Variants in TRPM3 observed in about 807,000 individuals in gnomAD.
TRPM3 encodes transient receptor potential cation channel subfamily M member 3.
A neutral mutation model predicts 181.2 loss-of-function variants in TRPM3; 77 were observed. That is an observed-to-expected ratio of 0.42 (90% CI 0.35 to 0.51). The LOEUF is 0.51. Among genes scored for constraint, TRPM3 ranks in the 20% least tolerant of loss-of-function variants. The pLI is 0.01. For missense variants in TRPM3, 1,759 were observed against 2,196.7 expected, an observed-to-expected ratio of 0.80 and a Z score of 3.98; for synonymous variants, 745 against 796.4, an observed-to-expected ratio of 0.94 and a Z score of 1.09.
intron 1 of TRPM3, among the ~76,000 whole-genome samples, chr9:70,904,277 CA>C (rs1480670336): frequency 6.6e-6 from 1 of 151,994 alleles, no homozygotes; most frequent in Non-Finnish European, 1.5e-5. Context: ...CTTGACTATC[CA>C]AAAAGCAGCC....
intron 6 of TRPM3, among the ~76,000 whole-genome samples, chr9:70,790,199 A>G (rs1320262767): frequency 2.0e-5 from 3 of 152,210 alleles, no homozygotes; most frequent in African/African-American, 7.2e-5. Context: ...TCTGAAGGAT[A>G]ATCTATTTGC....
chr9:71,340,362 G>A (rs1234210121), intron 1 of TRPM3, among the ~76,000 whole-genome samples: 2 of 152,092 alleles, frequency 1.3e-5, no homozygotes, highest in Non-Finnish European at 2.9e-5. Flanking sequence ...TGGTGAAATG[G>A]TTTGGCTGTG....
chr9:70,583,198 T>C (rs1338318925), intron 22 of TRPM3, among the ~76,000 whole-genome samples: 1 of 151,978 alleles, frequency 6.6e-6, no homozygotes, highest in African/African-American at 2.4e-5. Flanking sequence ...AAGGGAGGAT[T>C]TGGGGAATAG....
chr9:71,254,448 C>A (rs965654649), intron 1 of TRPM3, among the ~76,000 whole-genome samples: 1 of 152,070 alleles, frequency 6.6e-6, no homozygotes, highest in Non-Finnish European at 1.5e-5. Flanking sequence ...TCGGCAACAA[C>A]GTATTACATA....
At chr9:71,029,984 T>C (rs942898380) in intron 1 of TRPM3, among the ~76,000 whole-genome samples, 1 of 152,134 alleles carries the variant, frequency 6.6e-6, no homozygotes, top group South Asian at 2.1e-4. Flanking sequence ...AAATCACATA[T>C]TGAGGATTTC....
intron 3 of TRPM3, among the ~76,000 whole-genome samples, chr9:70,849,909 A>C (rs1434185499): frequency 6.6e-6 from 1 of 152,188 alleles, no homozygotes; most frequent in Non-Finnish European, 1.5e-5. Flanking sequence ...TCTTTCGTTA[A>C]AGTATATTTG....
chr9:71,024,116 C>G (rs1326361673), intron 1 of TRPM3, among the ~76,000 whole-genome samples: 1 of 151,956 alleles, frequency 6.6e-6, no homozygotes, highest in Admixed American at 6.6e-5. Context: ...AAAGGATACA[C>G]GAGATCTTTT....
chr9:71,383,705 T>C (rs1003370504), intron 1 of TRPM3, among the ~76,000 whole-genome samples: 3 of 152,190 alleles, frequency 2.0e-5, no homozygotes, highest in Non-Finnish European at 4.4e-5. Flanking sequence ...TTGTAAGTTG[T>C]ACATTTCCTA....
Position 70,536,808 on chromosome 9 carries a change from G to A in TRPM3, c.4305C>T (p.Ile1435=), listed in dbSNP as rs1363229846. The A allele has an allele frequency of 1.9e-6, 3 of 1,614,074 alleles. No homozygotes were observed. The highest frequency in any genetic ancestry group is 1.6e-4 in the Middle Eastern group (1 of 6,084). ...DIDPLDNSVN[I]LGLGEPSFST... ...AAAAGCTTGGCTCGCCCAGCCCAAG[G>A]ATGTTCACGGAATTGTCCAGAGGGT... The change falls in exon 26 of 26, where the codon ATC becomes ATT. Residue 1435 remains isoleucine (I), a synonymous_variant. Coordinates refer to ENST00000677713, the MANE Select transcript of TRPM3 (RefSeq NM_001366145.2).
At chr9:70,583,993 C>T (rs1283993109) in intron 22 of TRPM3, among the ~76,000 whole-genome samples, 2 of 152,126 alleles carry the variant, frequency 1.3e-5, no homozygotes, top group African/African-American at 4.8e-5. Context: ...TCCTTTTCCC[C>T]TGAGTCTTCC....
intron 9 of TRPM3, among the ~76,000 whole-genome samples, 188 bp from the exon 10 acceptor site, chr9:70,640,848 C>T (rs896594465): frequency 6.6e-6 from 1 of 152,042 alleles, no homozygotes; most frequent in African/African-American, 2.4e-5. Flanking sequence ...ACAGGGCTCT[C>T]CTGTATATTG....
chr9:70,872,589 C>T (rs2095806657), intron 1 of TRPM3, among the ~76,000 whole-genome samples: 1 of 151,860 alleles, frequency 6.6e-6, no homozygotes, highest in African/African-American at 2.4e-5. Flanking sequence ...CCTCATAGTC[C>T]CTCACATTAC....
chr9:71,177,921 T>C (rs1316968056), intron 1 of TRPM3, among the ~76,000 whole-genome samples: 1 of 134,208 alleles, frequency 7.5e-6, no homozygotes. Context: ...ACAGAAAGGA[T>C]TGCTCAAAGC....
At chr9:71,217,041 C>A (rs1053915977) in intron 1 of TRPM3, among the ~76,000 whole-genome samples, 2 of 144,092 alleles carry the variant, frequency 1.4e-5, no homozygotes, top group African/African-American at 5.1e-5. Context: ...AGCTCCGCCT[C>A]CCGGGTTCAC....
chr9:71,018,113 AG>A (rs2134459513), intron 1 of TRPM3, among the ~76,000 whole-genome samples: 1 of 152,022 alleles, frequency 6.6e-6, no homozygotes, highest in East Asian at 1.9e-4. Flanking sequence ...GAAGTTAAAA[AG>A]TGTTTCAGAA....
intron 8 of TRPM3, among the ~76,000 whole-genome samples, chr9:70,752,788 G>A (rs984652605): frequency 6.6e-6 from 1 of 152,140 alleles, no homozygotes; most frequent in Non-Finnish European, 1.5e-5. Context: ...TAGGTGTGTA[G>A]TAGGCTATGT....
intron 22 of TRPM3, among the ~76,000 whole-genome samples, chr9:70,560,859 C>T (rs1322402012): frequency 1.3e-5 from 2 of 152,168 alleles, no homozygotes; most frequent in Non-Finnish European, 2.9e-5. Context: ...GGGCAGGCAC[C>T]TCCACCCCAA....
Position 71,333,118 on chromosome 9 carries a change from T to C in TRPM3, c.183+113535A>G, listed in dbSNP as rs137991150. On this transcript the variant is annotated intron_variant, in intron 1 of 24. Transcript: ENST00000357533. ...ACAAATATTTCTATAAAAAAGATAGTGACAATGACACTCAACAGAGATCAC... is the reference window on the plus strand; with the variant it reads ...ACAAATATTTCTATAAAAAAGATAGCGACAATGACACTCAACAGAGATCAC... Among the ~76,000 whole-genome samples, 46 of 151,934 alleles carry C rather than the reference T, an allele frequency of 3.0e-4. No homozygotes were observed. In the East Asian group the frequency reaches 7.7e-3, roughly 26 times the overall value.
chr9:70,607,653 C>T (rs1028332393), intron 19 of TRPM3, among the ~76,000 whole-genome samples: 1 of 152,186 alleles, frequency 6.6e-6, no homozygotes, highest in African/African-American at 2.4e-5. Flanking sequence ...ACTAACACAG[C>T]CTCTTAGGCT....
Sources: gnomAD v4.1 joint callset for allele counts (sites outside exome capture counted in the v4.1 genomes callset) on GRCh38, gnomAD v4.1.1 for gene constraint, MANE v1.5 for transcripts, NCBI Gene and HGNC (gene_info 2026-07-23, HGNC 2026-07-21) for gene names.